CYP2J2: variants seen among roughly 807,000 people sequenced by gnomAD.
CYP2J2 encodes cytochrome P450 2J2.
Under a neutral mutation model 48.8 loss-of-function variants are expected in CYP2J2, and 41 were observed. The observed-to-expected ratio is 0.84, with a 90% CI of 0.66 to 1.09. The LOEUF (loss-of-function observed/expected upper bound fraction) is 1.09. Ranked by LOEUF, CYP2J2 falls within the 50% of genes least tolerant of loss-of-function variation. The pLI, the probability that CYP2J2 is intolerant of heterozygous loss-of-function variation, is 0.00. For synonymous variants in CYP2J2, 221 were observed against 227.1 expected, an observed-to-expected ratio of 0.97 and a Z score of 0.24; for missense variants, 644 against 617.3, an observed-to-expected ratio of 1.04 and a Z score of -0.46.
chr1:59,904,977 G>A lies in CYP2J2; in HGVS notation c.1085C>T (p.Thr362Ile). The A allele has an allele frequency of 6.2e-7, 1 of 1,613,998 alleles. No individual in the cohort carries two copies. Among genetic ancestry groups the A allele is most frequent in the East Asian group, 2.2e-5 (1 of 44,870 alleles). Residue 362 changes from threonine (T) to isoleucine (I), a missense_variant, in exon 7 of 9, where the codon ACC becomes ATC. Thr to Ile is a moderately conservative substitution (Grantham distance 89). Coordinates refer to ENST00000371204, the MANE Select transcript of CYP2J2 (RefSeq NM_000775.4). ...CTGCACCTCATGGATGACAGCATTG[G>A]TGTAGGGCATGGACTCCCGGGCGGC... is the stretch of plus-strand genomic sequence containing the variant. ...STAARESMPY[T>I]NAVIHEVQRM...
upstream of CYP2J2, among the ~76,000 whole-genome samples, chr1:59,931,286 C>T (rs1483443747): frequency 1.3e-5 from 2 of 152,024 alleles, no homozygotes; most frequent in Non-Finnish European, 2.9e-5. Context: ...TTGCTAGATG[C>T]TCAGTGTGAA....
chr1:59,959,914 C>T, the CYP2J2 span, among the ~76,000 whole-genome samples: 499 of 151,928 alleles, frequency 3.3e-3, 4 homozygotes, highest in African/African-American at 0.011. Context: ...GGGAGTGGGG[C>T]GAGGGATAAA....
At chr1:59,943,467 T>C in the CYP2J2 span, among the ~76,000 whole-genome samples, 13 of 152,122 alleles carry the variant, frequency 8.5e-5, no homozygotes, top group African/African-American at 2.9e-4. Context: ...GAGAGGAATA[T>C]GTTGTTGGGG....
intron 2 of CYP2J2, among the ~76,000 whole-genome samples, chr1:59,914,967 G>A (rs1442287726): frequency 2.0e-5 from 3 of 152,232 alleles, no homozygotes; most frequent in Non-Finnish European, 4.4e-5. Flanking sequence ...GGTGAGACAT[G>A]TTGGCAGCAA....
At chr1:59,967,360 G>C in the CYP2J2 span, among the ~76,000 whole-genome samples, 1 of 152,230 alleles carries the variant, frequency 6.6e-6, no homozygotes. Flanking sequence ...GCATGAGCCT[G>C]TCGGCTGGAA....
chr1:59,902,252 T>A (rs770947526), intron 7 of CYP2J2, among the ~76,000 whole-genome samples: 4 of 152,174 alleles, frequency 2.6e-5, no homozygotes, highest in Non-Finnish European at 5.9e-5. Flanking sequence ...AGTTTTTTCC[T>A]TTGGGCAGTT....
chr1:59,933,095 A>G, the CYP2J2 span, among the ~76,000 whole-genome samples: 4 of 152,258 alleles, frequency 2.6e-5, no homozygotes, highest in African/African-American at 9.6e-5. Flanking sequence ...TGCATGGAAC[A>G]AATCAGAAAA....
chr1:59,916,499 C>T (rs1414883657), intron 1 of CYP2J2, among the ~76,000 whole-genome samples: 2 of 152,070 alleles, frequency 1.3e-5, no homozygotes, highest in African/African-American at 4.8e-5. Context: ...GTTGGGGGGC[C>T]GAGGTAGGCA....
intron 6 of CYP2J2, 151 bp downstream of exon 6, chr1:59,907,635 G>A (rs1644375884): frequency 2.8e-6 from 2 of 709,032 alleles, no homozygotes; most frequent in East Asian, 5.4e-5. Context: ...CAGAAAATAT[G>A]AAGAATGTGC....
At chr1:59,957,135 T>C in the CYP2J2 span, among the ~76,000 whole-genome samples, 1 of 152,224 alleles carries the variant, frequency 6.6e-6, no homozygotes, top group Admixed American at 6.5e-5. Flanking sequence ...TAATTGTTTT[T>C]GTTTTTAAAC....
At chr1:59,954,579 T>C in the CYP2J2 span, among the ~76,000 whole-genome samples, 2 of 122,972 alleles carry the variant, frequency 1.6e-5, no homozygotes, top group Admixed American at 1.6e-4. Context: ...ATCCTCAGTC[T>C]TGGTGGGTCG....
At chr1:59,947,312 A>G in the CYP2J2 span, among the ~76,000 whole-genome samples, 2 of 152,220 alleles carry the variant, frequency 1.3e-5, no homozygotes, top group Non-Finnish European at 2.9e-5. Context: ...AAAAGAATAG[A>G]TTAGTATTTG....
intron 2 of CYP2J2, among the ~76,000 whole-genome samples, chr1:59,914,575 T>C (rs1644447241): frequency 6.6e-6 from 1 of 152,228 alleles, no homozygotes; most frequent in Non-Finnish European, 1.5e-5. Flanking sequence ...GTGCAGGATG[T>C]GCCTTGTTAA....
chr1:59,901,772 A>T (rs1416542466), intron 7 of CYP2J2, among the ~76,000 whole-genome samples: 1 of 152,166 alleles, frequency 6.6e-6, no homozygotes, highest in East Asian at 1.9e-4. Context: ...CACTTAGTCC[A>T]GACTTCTTCC....
At chr1:59,901,178 T>TC in intron 7 of CYP2J2, 75 bp from the exon 8 acceptor site, 1 of 1,512,914 alleles carries the variant, frequency 6.6e-7, no homozygotes. Flanking sequence ...GTGGTCATCC[T>TC]CCGGCTTCCT....
chr1:59,902,716 A>G (rs984395064), intron 7 of CYP2J2, among the ~76,000 whole-genome samples: 2 of 152,192 alleles, frequency 1.3e-5, no homozygotes, highest in African/African-American at 4.8e-5. Context: ...TGCCCGGCCA[A>G]TAATTGCTAT....
At chr1:59,916,485 A>G (rs1487161675) in intron 1 of CYP2J2, among the ~76,000 whole-genome samples, 1 of 152,216 alleles carries the variant, frequency 6.6e-6, no homozygotes, top group Non-Finnish European at 1.5e-5. Flanking sequence ...TGTAATCCCA[A>G]CACGTTGGGG....
At chr1:59,951,940 C>A in the CYP2J2 span, among the ~76,000 whole-genome samples, 2 of 152,128 alleles carry the variant, frequency 1.3e-5, no homozygotes, top group Non-Finnish European at 2.9e-5. Flanking sequence ...TCTCTGTCAT[C>A]GAAACTATGG....
chr1:59,949,935 T>C, the CYP2J2 span, among the ~76,000 whole-genome samples: 1 of 152,136 alleles, frequency 6.6e-6, no homozygotes, highest in East Asian at 1.9e-4. Context: ...TGTTGGCATT[T>C]TTGGATGCTC....
Sources: gnomAD v4.1 joint callset for allele counts (sites outside exome capture counted in the v4.1 genomes callset) on GRCh38, gnomAD v4.1.1 for gene constraint, MANE v1.5 for transcripts, NCBI Gene and HGNC (gene_info 2026-07-23, HGNC 2026-07-21) for gene names.